Variants in RBFOX2 observed in about 807,000 individuals in gnomAD.
RBFOX2 encodes RNA binding fox-1 homolog 2.
RBFOX2 carries 10 observed loss-of-function variants against 49.1 expected under a neutral mutation model. That is an observed-to-expected ratio of 0.20 (90% confidence interval 0.13 to 0.35). The LOEUF is 0.35. Among genes scored for constraint, RBFOX2 ranks in the 10% least tolerant of loss-of-function variants. RBFOX2 has a pLI of 1.00. For synonymous variants in RBFOX2, 183 were observed against 187.4 expected (o/e 0.98, Z 0.19); for missense variants, 323 against 486.9 (o/e 0.66, Z 3.17).
chr22:35,759,746 T>TAA lies in RBFOX2; in HGVS notation c.887+140_887+141dup, dbSNP rs1256292802. On this transcript the variant is annotated intron_variant, in intron 9 of 11. Coordinates refer to ENST00000405409, the Ensembl canonical transcript of RBFOX2. This position sits in a 1 kb window ranked among gnomAD's most constrained non-coding sequence, Gnocchi z 4.6. ...ATGGTATATTTTGTTTTTTGTCATC[T>TAA]AATCTGTTAATTTGCAAATATTCAC... 10 of 1,134,656 alleles carry TAA rather than the reference T, an allele frequency of 8.8e-6. No homozygotes were observed. Among genetic ancestry groups the TAA allele is most frequent in the Non-Finnish European group, 1.0e-5 (8 of 801,286 alleles). 70.3% of individuals were successfully genotyped at this position (1,134,656 alleles called of 1,614,324 possible).
chr22:35,849,660 G>T (rs977766293), intron 1 of RBFOX2, among the ~76,000 whole-genome samples: 1 of 152,134 alleles, frequency 6.6e-6, no homozygotes, highest in Non-Finnish European at 1.5e-5. Context: ...TACAAAAAGT[G>T]TCTAAGTTTT....
chr22:35,857,424 A>G (rs2042637053), intron 1 of RBFOX2, among the ~76,000 whole-genome samples: 1 of 152,244 alleles, frequency 6.6e-6, no homozygotes, highest in South Asian at 2.1e-4. Flanking sequence ...ACAGTAATTG[A>G]AGACTGTCCA....
At chr22:35,815,857 G>GA (rs1952921538) in intron 1 of RBFOX2, among the ~76,000 whole-genome samples, 1 of 152,024 alleles carries the variant, frequency 6.6e-6, no homozygotes, top group Non-Finnish European at 1.5e-5. Context: ...GATCCCTTGG[G>GA]ATTTGCTTAG....
Position 35,759,878 on chromosome 22 carries a change from T to C in RBFOX2, c.887+10A>G, listed in dbSNP as rs1938155998. On this transcript the variant is annotated intron_variant, in intron 9 of 11. Coordinates refer to ENST00000405409, the Ensembl canonical transcript of RBFOX2. The surrounding 1 kb of genome is among the most constrained non-coding windows in gnomAD (Gnocchi z 4.6). ...TTAGAAACATACTGATTTTGGAATC[T>C]AACGCTTACCCTGGATAGGCGGGGA... 6.2e-7 allele frequency: 1 copy of C among 1,613,256 alleles called. No individual in the cohort carries two copies. The highest frequency in any genetic ancestry group is 1.7e-5 in the Admixed American group (1 of 59,992).
intron 1 of RBFOX2, among the ~76,000 whole-genome samples, chr22:35,967,101 C>G (rs541743871): frequency 6.6e-6 from 1 of 152,302 alleles, no homozygotes; most frequent in African/African-American, 2.4e-5. Context: ...GCTAAGAATA[C>G]AGGTGTGCAC....
exon 12 of RBFOX2, chr22:35,742,163 G>A (rs1397600252): frequency 2.0e-5 from 3 of 152,144 alleles, no homozygotes; most frequent in African/African-American, 7.2e-5. Context: ...CTTGGGGTGG[G>A]GGGACCCTTA....
At position 35,757,881 on chromosome 22, in the gene RBFOX2, G is replaced by T. The variant is rs1187566468; in HGVS notation, c.887+2007C>A. Among the ~76,000 whole-genome samples the T allele has an allele frequency of 2.0e-5, 3 of 152,222 alleles. No homozygotes were observed. The South Asian group carries it at 6.2e-4, about 32-fold the overall frequency. ...AAGTGGTGATTAATTAAACTTCAAAGATCTTAGTAAGGGGATATAGGCAAA... is the reference window on the plus strand; with the variant it reads ...AAGTGGTGATTAATTAAACTTCAAATATCTTAGTAAGGGGATATAGGCAAA... On this transcript the variant is annotated intron_variant, in intron 9 of 11. Coordinates refer to ENST00000405409, the Ensembl canonical transcript of RBFOX2.
intron 1 of RBFOX2, chr22:35,898,202 A>AT (rs1437922882): frequency 2.6e-6 from 2 of 755,560 alleles, no homozygotes; most frequent in Non-Finnish European, 4.9e-6. Context: ...TTGACAACAC[A>AT]TCGGCCCAGG....
chr22:36,026,683 C>A (rs1045641331), intron 1 of RBFOX2, among the ~76,000 whole-genome samples: 10 of 152,050 alleles, frequency 6.6e-5, no homozygotes, highest in Non-Finnish European at 1.3e-4. Flanking sequence ...TGCCATGGCC[C>A]TGAGCTTTTA....
chr22:35,840,227 C>A, exon 1 of RBFOX2: 1 of 1,614,136 alleles, frequency 6.2e-7, no homozygotes. Flanking sequence ...ATAAACCAAA[C>A]GGATAGATGA....
Position 35,744,269 on chromosome 22 carries a change from A to T in RBFOX2, c.1050-20T>A. 1 of 1,598,950 alleles carries T rather than the reference A, an allele frequency of 6.3e-7. No individual in the cohort carries two copies. Among genetic ancestry groups the T allele is most frequent in the Admixed American group, 1.7e-5 (1 of 58,342 alleles). On this transcript the variant is annotated intron_variant, in intron 11 of 11. Coordinates refer to ENST00000405409, the Ensembl canonical transcript of RBFOX2. ...ACTCGCCTGCAGTAATTAAAGAGATAAAAATAATTAAAAGGTTGATGAGAG... is the reference window on the plus strand; with the variant it reads ...ACTCGCCTGCAGTAATTAAAGAGATTAAAATAATTAAAAGGTTGATGAGAG...
chr22:35,799,567 C>T (rs1339683773), intron 2 of RBFOX2, among the ~76,000 whole-genome samples: 5 of 152,056 alleles, frequency 3.3e-5, no homozygotes, highest in Non-Finnish European at 5.9e-5. Flanking sequence ...CCAACATAAG[C>T]GAAATATACT....
chr22:35,809,368 A>G (rs1242413880), intron 2 of RBFOX2, among the ~76,000 whole-genome samples: 1 of 152,222 alleles, frequency 6.6e-6, no homozygotes, highest in Non-Finnish European at 1.5e-5. Flanking sequence ...ATGGTTGTCA[A>G]GACTTGCTAA....
chr22:35,952,962 A>T (rs1037641091), intron 1 of RBFOX2, among the ~76,000 whole-genome samples: 1 of 152,154 alleles, frequency 6.6e-6, no homozygotes, highest in African/African-American at 2.4e-5. Context: ...CTGTAATCCC[A>T]GAATTTTGGG....
rs200994508 is a variant in RBFOX2, at chr22:35,961,548, C to T, written c.42+15G>A. On this transcript the variant is annotated intron_variant, in intron 1 of 5. Transcript: ENST00000408983. ...CCCACTCCACCACCCCCCACACACC[C>T]AACTCCCCACCAACCTCACAGGGGT... 477 of 1,304,060 alleles carry T rather than the reference C, an allele frequency of 3.7e-4. 1 individual carries two copies. The highest frequency in any genetic ancestry group is 2.3e-3 in the Middle Eastern group (11 of 4,698). The allele number at this position is 1,304,060 out of a possible 1,614,324, so 80.8% of individuals were successfully genotyped here. A position where few individuals can be genotyped will look rare whatever the true frequency, so the allele number is the denominator to read the frequency against.
At chr22:35,822,745 C>G in intron 1 of RBFOX2, 1 of 405,002 alleles carries the variant, frequency 2.5e-6, no homozygotes, top group Non-Finnish European at 4.8e-6. Context: ...AACACACACA[C>G]AAAATTAAAT....
intron 1 of RBFOX2, among the ~76,000 whole-genome samples, chr22:35,886,771 T>C (rs1435936935): frequency 1.3e-5 from 2 of 152,212 alleles, no homozygotes; most frequent in Non-Finnish European, 2.9e-5. Flanking sequence ...GACTGATGCA[T>C]TGAACTGCAC....
At chr22:35,763,495 G>A (rs1430215596) in intron 6 of RBFOX2, among the ~76,000 whole-genome samples, 1 of 152,220 alleles carries the variant, frequency 6.6e-6, no homozygotes, top group Non-Finnish European at 1.5e-5. Flanking sequence ...CCGGGAAGTG[G>A]AGGTTGCAGT....
chr22:35,763,823 G>A (rs1207727881), intron 6 of RBFOX2, among the ~76,000 whole-genome samples: 5 of 152,018 alleles, frequency 3.3e-5, no homozygotes, highest in Admixed American at 3.3e-4. Flanking sequence ...AAAAATCTGT[G>A]GTCTCAATTT....
Sources: allele counts gnomAD v4.1 joint callset (sites outside exome capture counted in the v4.1 genomes callset), GRCh38; gene constraint gnomAD v4.1.1; non-coding constraint Gnocchi (gnomAD v3.1); transcripts MANE v1.5; gene names NCBI Gene and HGNC (gene_info 2026-07-23, HGNC 2026-07-21).